CA5B: variants seen among roughly 807,000 people sequenced by gnomAD.
CA5B encodes carbonic anhydrase 5B.
In CA5B, 15 loss-of-function variants were observed where a neutral mutation model predicts 23.1. The ratio of observed to expected loss-of-function variants is 0.65; its 90% CI spans 0.43 to 1.00. The LOEUF is 1.00. Ranked by LOEUF, CA5B falls within the 50% of genes least tolerant of loss-of-function variation. The pLI is 0.00. For synonymous variants in CA5B, 84 were observed against 98.5 expected (o/e 0.85, Z 0.87); for missense variants, 236 against 252.2 (o/e 0.94, Z 0.43).
rs762614799 is a variant in CA5B, at chrX:15,756,776, C to T, written c.142+6611C>T. 9.0e-5 allele frequency among the ~76,000 whole-genome samples: 10 copies of T among 111,688 alleles called. No individual in the cohort carries two copies. In the East Asian group the frequency reaches 2.8e-3, roughly 32 times the overall value. On this transcript the variant is annotated intron_variant, in intron 2 of 7. Coordinates refer to ENST00000318636, the MANE Select transcript of CA5B (RefSeq NM_007220.4). Reference sequence around the variant, plus strand: ...AAATTTTATTTAAAAAGTTTTTAGCCAGGCGCAGTGGCTCATGCCTGTAAT... The same window carrying T: ...AAATTTTATTTAAAAAGTTTTTAGCTAGGCGCAGTGGCTCATGCCTGTAAT...
intron 5 of CA5B, 120 bp downstream of exon 5, chrX:15,774,517 G>A: frequency 1.1e-6 from 1 of 875,121 alleles, no homozygotes; most frequent in Non-Finnish European, 1.6e-6. Flanking sequence ...GATAAATAGT[G>A]CTTGAAGTAC....
intron 1 of CA5B, among the ~76,000 whole-genome samples, chrX:15,747,707 C>A (rs945781837): frequency 1.8e-5 from 2 of 111,147 alleles, no homozygotes; most frequent in Non-Finnish European, 3.8e-5. Context: ...ATTGAAGTTG[C>A]CAATGGCCTA....
intron 1 of CA5B, among the ~76,000 whole-genome samples, chrX:15,746,620 C>T (rs188775380): frequency 2.2e-4 from 24 of 111,502 alleles, no homozygotes; most frequent in African/African-American, 7.8e-4. Context: ...ATAGAGCCAA[C>T]TGTGTGGGAG....
At chrX:15,770,402 G>C (rs898026200) in intron 3 of CA5B, among the ~76,000 whole-genome samples, 2 of 112,039 alleles carry the variant, frequency 1.8e-5, no homozygotes, top group African/African-American at 6.5e-5. Flanking sequence ...TGACTGCTTT[G>C]CTTTCCAATT....
intron 7 of CA5B, among the ~76,000 whole-genome samples, chrX:15,779,349 C>G (rs1931981758): frequency 8.9e-6 from 1 of 111,785 alleles, no homozygotes; most frequent in Admixed American, 9.6e-5. Flanking sequence ...GAGGGCCATT[C>G]ACTTTACTCA....
intron 2 of CA5B, among the ~76,000 whole-genome samples, chrX:15,757,904 C>T (rs149200312): frequency 9.0e-6 from 1 of 110,841 alleles, no homozygotes; most frequent in East Asian, 2.8e-4. Flanking sequence ...ATAGAAGTTA[C>T]AACTTGATAT....
At chrX:15,762,311 C>G (rs900414656) in intron 2 of CA5B, among the ~76,000 whole-genome samples, 3 of 110,645 alleles carry the variant, frequency 2.7e-5, no homozygotes, top group Admixed American at 9.6e-5. Flanking sequence ...CAGCAATTAC[C>G]GAAGGAAGAG....
chrX:15,752,690 A>T (rs932064350), intron 2 of CA5B, among the ~76,000 whole-genome samples: 4 of 108,138 alleles, frequency 3.7e-5, no homozygotes, highest in South Asian at 4.1e-4. Context: ...GCGCCACTGC[A>T]CTCCAGCCTG....
chrX:15,742,508 G>A (rs996958391), intron 1 of CA5B, among the ~76,000 whole-genome samples: 1 of 112,136 alleles, frequency 8.9e-6, no homozygotes, highest in Non-Finnish European at 1.9e-5. Context: ...CGAGTAGCTG[G>A]GATTACAGAC....
At chrX:15,755,071 T>C (rs1178027083) in intron 2 of CA5B, among the ~76,000 whole-genome samples, 7 of 112,465 alleles carry the variant, frequency 6.2e-5, no homozygotes, top group Non-Finnish European at 1.1e-4. Context: ...TTTTGAAGAA[T>C]AAAAATAAAG....
chrX:15,764,541 A>G (rs1349019094), intron 2 of CA5B, 37 bp from the exon 3 acceptor site: 1 of 1,205,597 alleles, frequency 8.3e-7, no homozygotes, highest in Admixed American at 2.2e-5. Flanking sequence ...CACTCGGTCC[A>G]ACAGTCTTGA....
intron 2 of CA5B, among the ~76,000 whole-genome samples, chrX:15,763,765 G>A (rs1368161689): frequency 8.9e-6 from 1 of 112,147 alleles, no homozygotes; most frequent in African/African-American, 3.2e-5. Flanking sequence ...GATACTGGTA[G>A]TATGGGACAG....
intron 2 of CA5B, among the ~76,000 whole-genome samples, chrX:15,757,275 C>T (rs907802393): frequency 1.8e-5 from 2 of 111,133 alleles, no homozygotes; most frequent in African/African-American, 6.6e-5. Context: ...CTTTGGGAGG[C>T]CAAGGCGGGC....
chrX:15,748,708 A>ACCCC (rs565940460), intron 1 of CA5B, among the ~76,000 whole-genome samples: 1 of 58,294 alleles, frequency 1.7e-5, no homozygotes, highest in Non-Finnish European at 2.9e-5. Flanking sequence ...TATAGTGAGA[A>ACCCC]CCCCCCCCCC....
intron 6 of CA5B, chrX:15,776,236 G>T (rs1482580898): frequency 1.8e-5 from 2 of 111,015 alleles, no homozygotes; most frequent in Non-Finnish European, 3.6e-5. Context: ...CTACTTGGGA[G>T]GCTGAGGCAG....
intron 6 of CA5B, among the ~76,000 whole-genome samples, chrX:15,776,456 A>G (rs1167845402): frequency 1.8e-5 from 2 of 111,547 alleles, no homozygotes; most frequent in Non-Finnish European, 3.8e-5. Flanking sequence ...CTGGAACCTC[A>G]CTAGAATTGA....
intron 3 of CA5B, chrX:15,767,244 ACTGT>A (rs762810981): frequency 1.5e-5 from 2 of 136,713 alleles, no homozygotes; most frequent in Non-Finnish European, 2.6e-5. Context: ...CAGTATAGGG[ACTGT>A]CTGTTGCCAA....
At position 15,783,363 on chromosome X, in the gene CA5B, A is replaced by C. The variant is rs1220617669; in HGVS notation, c.*699A>C. On this transcript the variant is annotated 3_prime_UTR_variant, in exon 8 of 8. Transcript: ENST00000318636. ...TGATATGCTTACTTACTATCAGTTT[A>C]TGATGTAGAAAATATATTTTGTAAT... 8.9e-6 allele frequency: 1 copy of C among 112,495 alleles called. No homozygotes were observed. Among genetic ancestry groups the C allele is most frequent in the Non-Finnish European group, 1.9e-5 (1 of 53,329 alleles). 9.3% of individuals were successfully genotyped at this position (112,495 alleles called of 1,213,427 possible).
chrX:15,775,869 G>A (rs1275883834), intron 6 of CA5B: 1 of 745,056 alleles, frequency 1.3e-6, no homozygotes, highest in Non-Finnish European at 1.6e-6. Flanking sequence ...CTCTCTGGAA[G>A]CCCGTATATT....
Sources: allele counts gnomAD v4.1 joint callset (sites outside exome capture counted in the v4.1 genomes callset), GRCh38; gene constraint gnomAD v4.1.1; transcripts MANE v1.5; gene names NCBI Gene and HGNC (gene_info 2026-07-23, HGNC 2026-07-21).